The following SRCIN1 variants were observed in gnomAD, a reference collection of about 807,000 sequenced individuals.
SRCIN1 encodes the protein SRC kinase signaling inhibitor 1.
Under a neutral mutation model 116.2 loss-of-function variants are expected in SRCIN1, and 50 were observed. That is an observed-to-expected ratio of 0.43 (90% CI 0.34 to 0.54). The LOEUF (loss-of-function observed/expected upper bound fraction) is 0.54, where lower values mean the gene tolerates loss of function less well. Among genes scored for constraint, SRCIN1 ranks in the 20% least tolerant of loss-of-function variants. The probability of loss-of-function intolerance (pLI) is 0.02; values close to 1 mark genes in which losing one functional copy is unlikely to be tolerated. For missense variants in SRCIN1, 1,446 were observed against 1,672.0 expected, an observed-to-expected ratio of 0.86 and a Z score of 2.36; for synonymous variants, 736 against 750.0, an observed-to-expected ratio of 0.98 and a Z score of 0.30.
intron 15 of SRCIN1, among the ~76,000 whole-genome samples, chr17:38,550,289 T>G (rs1419087451): frequency 1.3e-5 from 2 of 152,046 alleles, no homozygotes; most frequent in African/African-American, 4.8e-5. Flanking sequence ...GGTCAGGAGA[T>G]CGAGACCATC....
Position 38,562,713 on chromosome 17 carries a change from C to A in SRCIN1, c.834+114G>T. ...GGGCTCTTCCCTAACCCCTCAGCCC[C>A]TATGCTGTCTTCTCCAAAGCTGGCC... is the stretch of plus-strand genomic sequence containing the variant. On this transcript the variant is annotated intron_variant, in intron 6 of 18. Transcript: ENST00000617146. The surrounding 1 kb of genome is among the most constrained non-coding windows in gnomAD (Gnocchi z 4.2). 1 of 915,566 alleles carries A rather than the reference C, an allele frequency of 1.1e-6. No homozygotes were observed. Among genetic ancestry groups the A allele is most frequent in the Non-Finnish European group, 1.7e-6 (1 of 589,228 alleles). 56.7% of individuals were successfully genotyped at this position (915,566 alleles called of 1,614,324 possible).
intron 4 of SRCIN1, 23 bp downstream of exon 4, chr17:38,564,095 A>C (rs1438633798): frequency 1.5e-6 from 2 of 1,310,942 alleles, no homozygotes. Flanking sequence ...GTGGGGAGGG[A>C]GGGTGGACTG....
rs929927140 is a variant in SRCIN1 at position 38,547,423 on chromosome 17, G to A, written c.3270+1134C>T. Among the ~76,000 whole-genome samples the A allele has an allele frequency of 3.3e-5, 5 of 152,260 alleles. No individual in the cohort carries two copies. In the East Asian group the frequency reaches 5.8e-4, roughly 18 times the overall value. On this transcript the variant is annotated intron_variant, in intron 17 of 18. Coordinates refer to ENST00000617146, the MANE Select transcript of SRCIN1 (RefSeq NM_025248.3). Reference sequence around the variant, plus strand: ...CCAATCTTGGCCACACTCAGCCTTCGGGCCAGACCTAAGCTCAAACTGCGA... The same window carrying A: ...CCAATCTTGGCCACACTCAGCCTTCAGGCCAGACCTAAGCTCAAACTGCGA...
At chr17:38,601,104 A>G (rs1908995692) in intron 1 of SRCIN1, 1 of 152,368 alleles carries the variant, frequency 6.6e-6, no homozygotes, top group Non-Finnish European at 1.5e-5. Flanking sequence ...GAATGTCACA[A>G]GAAACCTTGG....
chr17:38,550,196 T>C (rs1905292532), intron 15 of SRCIN1, among the ~76,000 whole-genome samples: 1 of 152,178 alleles, frequency 6.6e-6, no homozygotes, highest in Non-Finnish European at 1.5e-5. Flanking sequence ...GAGCTTGTTA[T>C]ACAATTATAA....
In SRCIN1 at chr17:38,600,811, G is replaced by A. The variant is rs553758038; in HGVS notation, c.22+4873C>T. Among the ~76,000 whole-genome samples the A allele has an allele frequency of 1.3e-4, 20 of 152,358 alleles. No individual in the cohort carries two copies. The East Asian group carries it at 3.5e-3, about 26-fold the overall frequency. ...TGTTTTGACCTTTTGGAGCAGAAGT[G>A]CTGAGGGCAGGGGTCCCCTCGACTA... On this transcript the variant is annotated intron_variant, in intron 1 of 18. Transcript: ENST00000617146.
At chr17:38,540,534 T>G (rs1003821667) in intron 18 of SRCIN1, among the ~76,000 whole-genome samples, 1 of 152,120 alleles carries the variant, frequency 6.6e-6, no homozygotes, top group Admixed American at 6.6e-5. Context: ...AGAAAGGGCC[T>G]GAGAAGACAG....
rs748929093 is a variant in SRCIN1 at position 38,548,662 on chromosome 17, C to T, written c.3165G>A (p.Leu1055=). Residue 1055 remains leucine, a synonymous_variant, in exon 17 of 19, where the codon CTG becomes CTA. Transcript: ENST00000617146. ...GGGCCACCTCAGACACAGCCCGGCG[C>T]AGCTTCACCTGGGGCTTCTGCACCT... ...ELEVQKPQVK[L]RRAVSEVARP... 4 of 1,611,984 alleles carry T rather than the reference C, an allele frequency of 2.5e-6. No homozygotes were observed. In the African/African-American group the frequency reaches 4.0e-5, roughly 16 times the overall value.
intron 15 of SRCIN1, among the ~76,000 whole-genome samples, chr17:38,550,261 A>G (rs1049176359): frequency 8.5e-5 from 13 of 152,140 alleles, no homozygotes; most frequent in South Asian, 6.2e-4. Flanking sequence ...TTGGGAGGCC[A>G]AGGTGGGCGG....
Position 38,585,134 on chromosome 17 carries a change from G to A in SRCIN1, c.23-6343C>T, listed in dbSNP as rs1273550470. Among the ~76,000 whole-genome samples the A allele has an allele frequency of 6.6e-6, 1 of 152,176 alleles. No homozygotes were observed. Among genetic ancestry groups the A allele is most frequent in the Non-Finnish European group, 1.5e-5 (1 of 68,032 alleles). ...CTGGGTTATAGCCCTGGCAGGAAGC[G>A]AGGGCAGGAGGCACTCAGGGTGAAG... On this transcript the variant is annotated intron_variant, in intron 1 of 18. Transcript: ENST00000617146. The surrounding 1 kb of genome is among the most constrained non-coding windows in gnomAD (Gnocchi z 4.2).
rs762570085 is a variant in SRCIN1 at position 38,561,603 on chromosome 17, G to C, written c.1560C>G (p.Ala520=). Residue 520 remains alanine (A), a synonymous_variant, in exon 7 of 19, where the codon GCC becomes GCG. Coordinates refer to ENST00000617146, the MANE Select transcript of SRCIN1 (RefSeq NM_025248.3). ...RKDSGSSSVF[A]ESPGGKTRSA... ...TGCGGGTCTTCCCTCCAGGACTCTCGGCAAAGACGGACGAGGAGCCCGAGT... is the reference window on the plus strand; with the variant it reads ...TGCGGGTCTTCCCTCCAGGACTCTCCGCAAAGACGGACGAGGAGCCCGAGT... 1.3e-5 allele frequency: 20 copies of C among 1,593,068 alleles called. No individual in the cohort carries two copies. Among genetic ancestry groups the C allele is most frequent in the Non-Finnish European group, 1.6e-5 (19 of 1,170,286 alleles).
Position 38,551,360 on chromosome 17 carries a change from C to A in SRCIN1, c.2757G>T (p.Arg919=). The A allele has an allele frequency of 1.2e-6, 2 of 1,613,254 alleles. No homozygotes were observed. Among genetic ancestry groups the A allele is most frequent in the Non-Finnish European group, 1.7e-6 (2 of 1,179,652 alleles). The change falls in exon 15 of 19, where the codon CGG becomes CGT. Residue 919 remains arginine (R), a synonymous_variant. Transcript: ENST00000617146. ...EAAERDWEEK[R]AALTQYSAKD... ...TGGCACTGTACTGGGTCAGGGCTGC[C>A]CGCTTCTCCTCCCAGTCTCGCTCTG...
rs1905453350 is a variant in SRCIN1 at position 38,552,002 on chromosome 17, G to A, written c.2611C>T (p.Leu871=). Residue 871 remains leucine, a synonymous_variant, in exon 14 of 19, where the codon CTG becomes TTG. Coordinates refer to ENST00000617146, the MANE Select transcript of SRCIN1 (RefSeq NM_025248.3). The surrounding 1 kb of genome is among the most constrained non-coding windows in gnomAD (Gnocchi z 5.3). ...TCAGCTGGCCCGCTCAGCTCATGCA[G>A]GTTCAGCGGGGGGCTGGGGGGTGGC... ...EMPPPSPPLN[L]HELSGPAEGA... The A allele has an allele frequency of 1.2e-6, 2 of 1,613,898 alleles. No homozygotes were observed. The highest frequency in any genetic ancestry group is 8.5e-7 in the Non-Finnish European group (1 of 1,179,912).
chr17:38,568,498 G>T lies in SRCIN1; in HGVS notation c.325-267C>A, dbSNP rs554264406. Among the ~76,000 whole-genome samples the T allele has an allele frequency of 3.9e-5, 6 of 152,342 alleles. No individual in the cohort carries two copies. In the South Asian group the frequency reaches 1.2e-3, roughly 32 times the overall value. On this transcript the variant is annotated intron_variant, in intron 2 of 18. Coordinates refer to ENST00000617146, the MANE Select transcript of SRCIN1 (RefSeq NM_025248.3). This position sits in a 1 kb window ranked among gnomAD's most constrained non-coding sequence, Gnocchi z 4.5. ...GGTGGGAAAAGGCACAGAGGATGGT[G>T]ATAGAGCGAACCCATGAGGCAGTCA...
intron 18 of SRCIN1, among the ~76,000 whole-genome samples, chr17:38,538,186 A>G (rs550967317): frequency 6.6e-6 from 1 of 152,120 alleles, no homozygotes; most frequent in Non-Finnish European, 1.5e-5. Flanking sequence ...TGGGAGGCTG[A>G]GGTGGGCGAA....
chr17:38,564,103 C>G lies in SRCIN1; in HGVS notation c.541+15G>C, dbSNP rs766021812. ...AGCCTGTGTGGGGAGGGAGGGTGGA[C>G]TGGGCGGGCAGTACCTGGGGAGCGC... On this transcript the variant is annotated intron_variant, in intron 4 of 18. Coordinates refer to ENST00000617146, the MANE Select transcript of SRCIN1 (RefSeq NM_025248.3). The G allele has an allele frequency of 6.3e-7, 1 of 1,587,180 alleles. No individual in the cohort carries two copies. Among genetic ancestry groups the G allele is most frequent in the South Asian group, 1.1e-5 (1 of 86,990 alleles).
chr17:38,574,120 C>G (rs562665081), intron 2 of SRCIN1, among the ~76,000 whole-genome samples: 1 of 152,314 alleles, frequency 6.6e-6, no homozygotes, highest in Non-Finnish European at 1.5e-5. Context: ...GCCACTACCC[C>G]TCCTCCGCCT....
intron 2 of SRCIN1, among the ~76,000 whole-genome samples, chr17:38,570,543 G>C (rs1200391587): frequency 6.6e-6 from 1 of 152,234 alleles, no homozygotes; most frequent in East Asian, 1.9e-4. Context: ...ATAAGTCAGG[G>C]AGGTGACCTC....
chr17:38,595,816 G>A (rs992519043), intron 1 of SRCIN1, among the ~76,000 whole-genome samples: 4 of 152,190 alleles, frequency 2.6e-5, no homozygotes, highest in Non-Finnish European at 5.9e-5. Flanking sequence ...GTACATGCAC[G>A]CGTGCTTGTA....
Sources: allele counts gnomAD v4.1 joint callset (sites outside exome capture counted in the v4.1 genomes callset), GRCh38; gene constraint gnomAD v4.1.1; non-coding constraint Gnocchi (gnomAD v3.1); transcripts MANE v1.5; gene names NCBI Gene and HGNC (gene_info 2026-07-23, HGNC 2026-07-21).